Variants in DERA observed in about 807,000 individuals in gnomAD.
DERA encodes deoxyribose-phosphate aldolase.
DERA carries 15 observed loss-of-function variants against 41.1 expected under a neutral mutation model. The ratio of observed to expected loss-of-function variants is 0.37; its 90% CI spans 0.24 to 0.56. The LOEUF is 0.56. Among genes scored for constraint, DERA ranks in the 20% least tolerant of loss-of-function variants. The probability of loss-of-function intolerance (pLI) is 0.81; values close to 1 mark genes in which losing one functional copy is unlikely to be tolerated. For synonymous variants in DERA, 139 were observed against 137.4 expected (o/e 1.01, Z -0.08); for missense variants, 396 against 403.4 (o/e 0.98, Z 0.16).
chr12:16,021,733 T>C lies in DERA; in HGVS notation c.638-10809T>C, dbSNP rs765500730. On this transcript the variant is annotated intron_variant, in intron 6 of 8. Transcript: ENST00000428559. This position sits in a 1 kb window ranked among gnomAD's most constrained non-coding sequence, Gnocchi z 5.3. ...GGAGATTATTTTGGAGCTTTAAGACTTAATGACTGCCCTGCTGAGTTTGGG... is the reference window on the plus strand; with the variant it reads ...GGAGATTATTTTGGAGCTTTAAGACCTAATGACTGCCCTGCTGAGTTTGGG... Among the ~76,000 whole-genome samples, 14 of 152,218 alleles carry C rather than the reference T, an allele frequency of 9.2e-5. No individual in the cohort carries two copies. The highest frequency in any genetic ancestry group is 1.5e-4 in the Non-Finnish European group (10 of 68,036).
chr12:15,929,502 C>T (rs1948312112), intron 1 of DERA, among the ~76,000 whole-genome samples: 1 of 151,802 alleles, frequency 6.6e-6, no homozygotes, highest in Non-Finnish European at 1.5e-5. Context: ...CAGCTCAAGC[C>T]CTGTCTGCTT....
chr12:15,932,916 A>G (rs1948339680), intron 1 of DERA, among the ~76,000 whole-genome samples: 1 of 152,190 alleles, frequency 6.6e-6, no homozygotes, highest in African/African-American at 2.4e-5. Context: ...TTTAGAGTCC[A>G]CATATTAAGT....
rs888931372 is a variant in DERA at position 15,985,612 on chromosome 12, T to G, written c.637+3176T>G. 1.3e-5 allele frequency among the ~76,000 whole-genome samples: 2 copies of G among 152,146 alleles called. No homozygotes were observed. Among genetic ancestry groups the G allele is most frequent in the Non-Finnish European group, 2.9e-5 (2 of 68,028 alleles). On this transcript the variant is annotated intron_variant, in intron 6 of 8. Transcript: ENST00000428559. This position sits in a 1 kb window ranked among gnomAD's most constrained non-coding sequence, Gnocchi z 4.2. ...AGTGAAAGTTATTTTCTAATTTCCC[T>G]TGTGATCTCTTTTGTTATTTAGAGT...
At chr12:15,955,873 T>A (rs1459452324) in intron 1 of DERA, among the ~76,000 whole-genome samples, 1 of 152,254 alleles carries the variant, frequency 6.6e-6, no homozygotes, top group African/African-American at 2.4e-5. Flanking sequence ...GCATTTTTTC[T>A]AATGGATAAC....
chr12:15,918,391 T>C lies in DERA; in HGVS notation c.31+6977T>C, dbSNP rs1226441515. Among the ~76,000 whole-genome samples the C allele has an allele frequency of 6.6e-6, 1 of 152,108 alleles. No homozygotes were observed. The highest frequency in any genetic ancestry group is 1.9e-4 in the East Asian group (1 of 5,158). ...TGTGCAGATCCCCTCCTTGTTCTGA[T>C]TGGACTCTGGGCTACCCCATTCTGT... On this transcript the variant is annotated intron_variant, in intron 1 of 8. Transcript: ENST00000428559. The surrounding 1 kb of genome is among the most constrained non-coding windows in gnomAD (Gnocchi z 4.3).
Position 15,985,222 on chromosome 12 carries a change from C to T in DERA, c.637+2786C>T, listed in dbSNP as rs531647559. On this transcript the variant is annotated intron_variant, in intron 6 of 8. Coordinates refer to ENST00000428559, the MANE Select transcript of DERA (RefSeq NM_015954.4). The surrounding 1 kb of genome is among the most constrained non-coding windows in gnomAD (Gnocchi z 4.2). ...ATGCTTAGCTTTGCCAGTATTAGAA[C>T]ATTATCTAATCACATAGTGTGAACT... The T allele has an allele frequency of 6.6e-6, 1 of 152,348 alleles. No individual in the cohort carries two copies. The highest frequency in any genetic ancestry group is 1.9e-4 in the East Asian group (1 of 5,184). 9.4% of individuals were successfully genotyped at this position (152,348 alleles called of 1,614,324 possible).
chr12:16,003,896 G>A lies in DERA; in HGVS notation c.637+21460G>A, dbSNP rs2136174822. 6.6e-6 allele frequency among the ~76,000 whole-genome samples: 1 copy of A among 152,298 alleles called. No individual in the cohort carries two copies. Among genetic ancestry groups the A allele is most frequent in the South Asian group, 2.1e-4 (1 of 4,818 alleles). The stretch of plus-strand genomic sequence containing the variant: ...TCATCCCAACCTGGAAGAGGAGAGA[G>A]GTGTTCTGGGTTGTAGAGCTAGCCA... On this transcript the variant is annotated intron_variant, in intron 6 of 8. Transcript: ENST00000428559. This position sits in a 1 kb window ranked among gnomAD's most constrained non-coding sequence, Gnocchi z 4.8.
In DERA at chr12:15,992,486, T is replaced by A. The variant is rs1948808900; in HGVS notation, c.637+10050T>A. Among the ~76,000 whole-genome samples, 1 of 152,166 alleles carries A rather than the reference T, an allele frequency of 6.6e-6. No homozygotes were observed. Among genetic ancestry groups the A allele is most frequent in the East Asian group, 1.9e-4 (1 of 5,188 alleles). Reference sequence around the variant, plus strand: ...GCAAGGAAGAACCAGGGAGAACTTTTTGCTTTGGTTTTGGGGTTGAAGAAA... The same window carrying A: ...GCAAGGAAGAACCAGGGAGAACTTTATGCTTTGGTTTTGGGGTTGAAGAAA... On this transcript the variant is annotated intron_variant, in intron 6 of 8. Transcript: ENST00000428559. This position sits in a 1 kb window ranked among gnomAD's most constrained non-coding sequence, Gnocchi z 4.3.
chr12:16,032,661 T>G lies in DERA; in HGVS notation c.750+7T>G. ...CTGGAAAACTGGAAACAAGGTATAT[T>G]ATTGCCAGCAAATCTTTCTTCAGAG... On this transcript the variant is annotated splice_region_variant and intron_variant, in intron 7 of 8. Coordinates refer to ENST00000428559, the MANE Select transcript of DERA (RefSeq NM_015954.4). 1 of 1,475,364 alleles carries G rather than the reference T, an allele frequency of 6.8e-7. No homozygotes were observed. Among genetic ancestry groups the G allele is most frequent in the Non-Finnish European group, 9.3e-7 (1 of 1,076,330 alleles). 91.4% of individuals were successfully genotyped at this position (1,475,364 alleles called of 1,614,324 possible).
Position 15,959,695 on chromosome 12 carries a change from T to G in DERA, c.278-134T>G. 1.9e-6 allele frequency: 1 copy of G among 536,694 alleles called. No homozygotes were observed. The highest frequency in any genetic ancestry group is 3.4e-6 in the Non-Finnish European group (1 of 297,280). The allele number at this position is 536,694 out of a possible 1,614,324, so 33.2% of individuals were successfully genotyped here. On this transcript the variant is annotated intron_variant, in intron 3 of 8. Coordinates refer to ENST00000428559, the MANE Select transcript of DERA (RefSeq NM_015954.4). This position sits in a 1 kb window ranked among gnomAD's most constrained non-coding sequence, Gnocchi z 4.5. ...TGTGGAAAATAAAAATCTTTTAATT[T>G]ATTGCAGTATTGTGGGGGAATTATT... is the stretch of plus-strand genomic sequence containing the variant.
intron 5 of DERA, among the ~76,000 whole-genome samples, chr12:15,964,053 G>A (rs552323403): frequency 2.8e-4 from 42 of 152,282 alleles, no homozygotes; most frequent in African/African-American, 9.9e-4. Context: ...GCTCCACAAA[G>A]TTCTTGGAGA....
At chr12:16,002,091 G>C in intron 6 of DERA, among the ~76,000 whole-genome samples, 1 of 151,140 alleles carries the variant, frequency 6.6e-6, no homozygotes. Flanking sequence ...CCATTAACTC[G>C]TCATTTAACA....
At chr12:15,958,478 T>C (rs1312863715) in intron 3 of DERA, 143 bp downstream of exon 3, 1 of 507,028 alleles carries the variant, frequency 2.0e-6, no homozygotes, top group Non-Finnish European at 3.1e-6. Context: ...CATAGACAGA[T>C]TCTTCTCTGA....
In DERA at chr12:16,036,132, AGAGG is replaced by A. The variant is rs1023774462; in HGVS notation, c.751-96_751-93del. 4.4e-6 allele frequency: 5 copies of A among 1,142,692 alleles called. No individual in the cohort carries two copies. The Admixed American group carries it at 1.1e-4, about 26-fold the overall frequency. The allele number at this position is 1,142,692 out of a possible 1,614,324, so 70.8% of individuals were successfully genotyped here. ...AGTGAAAAGATTTTTTTTCAACAAAAGAGGGAGAGAGAGAATCAAGACTCTGATA... is the reference window on the plus strand; with the variant it reads ...AGTGAAAAGATTTTTTTTCAACAAAAGAGAGAGAGAATCAAGACTCTGATA... On this transcript the variant is annotated intron_variant, in intron 7 of 8. Transcript: ENST00000428559. The surrounding 1 kb of genome is among the most constrained non-coding windows in gnomAD (Gnocchi z 4.9).
chr12:16,017,193 C>G lies in DERA; in HGVS notation c.638-15349C>G, dbSNP rs929425125. On this transcript the variant is annotated intron_variant, in intron 6 of 8. Coordinates refer to ENST00000428559, the MANE Select transcript of DERA (RefSeq NM_015954.4). The surrounding 1 kb of genome is among the most constrained non-coding windows in gnomAD (Gnocchi z 5.5). ...GGAAGAAATGTGGTTATCATAAGATCATCTTTCCTTTGGGGCATTGGAGAT... is the reference window on the plus strand; with the variant it reads ...GGAAGAAATGTGGTTATCATAAGATGATCTTTCCTTTGGGGCATTGGAGAT... Among the ~76,000 whole-genome samples, 1 of 152,154 alleles carries G rather than the reference C, an allele frequency of 6.6e-6. No individual in the cohort carries two copies. Among genetic ancestry groups the G allele is most frequent in the Non-Finnish European group, 1.5e-5 (1 of 68,030 alleles).
rs1028497226 is a variant in DERA at position 15,943,932 on chromosome 12, A to T, written c.32-13004A>T. ...TGTGATGTTCCCCTTCCTGTGTCCA[A>T]GTGTTCTCATTGTTCAATTCCCACC... On this transcript the variant is annotated intron_variant, in intron 1 of 8. Coordinates refer to ENST00000428559, the MANE Select transcript of DERA (RefSeq NM_015954.4). The surrounding 1 kb of genome is among the most constrained non-coding windows in gnomAD (Gnocchi z 4.5). Among the ~76,000 whole-genome samples the T allele has an allele frequency of 1.5e-5, 2 of 129,422 alleles. No individual in the cohort carries two copies. The highest frequency in any genetic ancestry group is 3.0e-5 in the African/African-American group (1 of 33,836). The allele number at this position is 129,422 out of a possible 152,430, so 84.9% of individuals were successfully genotyped here. A position where few individuals can be genotyped will look rare whatever the true frequency, so the allele number is the denominator to read the frequency against.
rs1016351102 is a variant in DERA at position 16,014,776 on chromosome 12, G to C, written c.638-17766G>C. On this transcript the variant is annotated intron_variant, in intron 6 of 8. Coordinates refer to ENST00000428559, the MANE Select transcript of DERA (RefSeq NM_015954.4). This position sits in a 1 kb window ranked among gnomAD's most constrained non-coding sequence, Gnocchi z 5.4. The stretch of plus-strand genomic sequence containing the variant: ...GCACCGTGGGCTTGGAAAAGCCACA[G>C]ACACTCAATGCTAGCCCGTGAAAGC... Among the ~76,000 whole-genome samples the C allele has an allele frequency of 6.6e-6, 1 of 152,212 alleles. No individual in the cohort carries two copies. The highest frequency in any genetic ancestry group is 1.5e-5 in the Non-Finnish European group (1 of 68,038).
At chr12:15,947,477 CTT>C (rs1948459661) in intron 1 of DERA, among the ~76,000 whole-genome samples, 1 of 152,088 alleles carries the variant, frequency 6.6e-6, no homozygotes, top group Admixed American at 6.6e-5. Context: ...TTCTTTGTCT[CTT>C]TTCATATTTG....
rs980808657 is a variant in DERA, at chr12:15,941,470, C to A, written c.32-15466C>A. Among the ~76,000 whole-genome samples, 2 of 152,076 alleles carry A rather than the reference C, an allele frequency of 1.3e-5. No homozygotes were observed. The highest frequency in any genetic ancestry group is 4.8e-5 in the African/African-American group (2 of 41,398). On this transcript the variant is annotated intron_variant, in intron 1 of 8. Transcript: ENST00000428559. This position sits in a 1 kb window ranked among gnomAD's most constrained non-coding sequence, Gnocchi z 4.5. Reference sequence around the variant, plus strand: ...GTGATTTCTGAGATTTTAGTGTACCCATCACCCTAGCAATGTACGCTGTAC... The same window carrying A: ...GTGATTTCTGAGATTTTAGTGTACCAATCACCCTAGCAATGTACGCTGTAC...
Sources: gnomAD v4.1 joint callset for allele counts (sites outside exome capture counted in the v4.1 genomes callset) on GRCh38, gnomAD v4.1.1 for gene constraint, Gnocchi (gnomAD v3.1) non-coding constraint, MANE v1.5 for transcripts, NCBI Gene and HGNC (gene_info 2026-07-23, HGNC 2026-07-21) for gene names.